The following CCDC181 variants were observed in gnomAD, a reference collection of about 807,000 sequenced individuals.
CCDC181 encodes the protein coiled-coil domain-containing protein 181.
A neutral mutation model predicts 58.7 loss-of-function variants in CCDC181; 35 were observed. The ratio of observed to expected loss-of-function variants is 0.60; its 90% CI spans 0.46 to 0.79. CCDC181 has a LOEUF of 0.79. CCDC181 is among the 30% of genes least tolerant of loss of function. The pLI, the probability that CCDC181 is intolerant of heterozygous loss-of-function variation, is 0.00. For missense variants in CCDC181, 517 were observed against 583.9 expected (o/e 0.89, Z 1.18); for synonymous variants, 183 against 197.5 (o/e 0.93, Z 0.62).
intron 3 of CCDC181, among the ~76,000 whole-genome samples, chr1:169,420,531 G>T (rs1656409867): frequency 6.6e-6 from 1 of 151,268 alleles, no homozygotes; most frequent in African/African-American, 2.4e-5. Flanking sequence ...ATTCCAGTTT[G>T]CTACTAACAA....
At chr1:169,425,436 C>CTAAA (rs1656673751) in intron 1 of CCDC181, among the ~76,000 whole-genome samples, 2 of 151,978 alleles carry the variant, frequency 1.3e-5, no homozygotes, top group Non-Finnish European at 2.9e-5. Flanking sequence ...ATAATTCTTT[C>CTAAA]TAGATACTTA....
At chr1:169,398,012 A>G (rs1479564338) in intron 4 of CCDC181, among the ~76,000 whole-genome samples, 1 of 152,160 alleles carries the variant, frequency 6.6e-6, no homozygotes, top group Admixed American at 6.5e-5. Context: ...TGTAACCCAC[A>G]TTGCCAAATA....
At chr1:169,457,209 T>A (rs1341684190) in intron 2 of CCDC181, among the ~76,000 whole-genome samples, 2 of 152,212 alleles carry the variant, frequency 1.3e-5, no homozygotes, top group Non-Finnish European at 2.9e-5. Context: ...TTAACTATTA[T>A]GTGTCTAGTA....
At chr1:169,412,488 T>C (rs760105029) in intron 4 of CCDC181, among the ~76,000 whole-genome samples, 14 of 152,204 alleles carry the variant, frequency 9.2e-5, no homozygotes, top group Admixed American at 5.2e-4. Context: ...CCCATCAAGC[T>C]ACCATTGACG....
chr1:169,416,973 T>C (rs190913918), intron 4 of CCDC181, among the ~76,000 whole-genome samples: 1 of 151,812 alleles, frequency 6.6e-6, no homozygotes, highest in Admixed American at 6.6e-5. Context: ...AAAACCAAAC[T>C]AAAAAAGGAA....
intron 4 of CCDC181, among the ~76,000 whole-genome samples, chr1:169,402,995 A>T (rs1326813136): frequency 1.4e-5 from 2 of 145,836 alleles, no homozygotes; most frequent in African/African-American, 5.1e-5. Flanking sequence ...AAAAAAAAAA[A>T]AGCAGGGGTT....
intron 3 of CCDC181, 141 bp downstream of exon 3, chr1:169,421,222 C>T (rs757837541): frequency 1.5e-6 from 1 of 667,386 alleles, no homozygotes; most frequent in Non-Finnish European, 2.5e-6. Flanking sequence ...ACATTCTTAA[C>T]ACTTAATCAA....
chr1:169,416,630 T>C (rs1656227182), intron 4 of CCDC181, among the ~76,000 whole-genome samples: 1 of 152,200 alleles, frequency 6.6e-6, no homozygotes, highest in East Asian at 1.9e-4. Flanking sequence ...TGCTATATCT[T>C]TCAAGATAAT....
At chr1:169,416,030 C>T (rs778557407) in intron 4 of CCDC181, among the ~76,000 whole-genome samples, 2 of 152,186 alleles carry the variant, frequency 1.3e-5, no homozygotes, top group East Asian at 3.8e-4. Context: ...ACCCCTCCCA[C>T]GAGGAGTTTT....
At chr1:169,402,067 T>C (rs886500548) in intron 4 of CCDC181, among the ~76,000 whole-genome samples, 8 of 151,916 alleles carry the variant, frequency 5.3e-5, no homozygotes, top group Non-Finnish European at 1.0e-4. Context: ...TGATTGAAGA[T>C]CAAATGAATG....
chr1:169,399,755 A>G (rs1655235059), intron 4 of CCDC181, among the ~76,000 whole-genome samples: 1 of 152,200 alleles, frequency 6.6e-6, no homozygotes, highest in African/African-American at 2.4e-5. Flanking sequence ...AGCTAGATAA[A>G]ATGTATGCAG....
intron 4 of CCDC181, among the ~76,000 whole-genome samples, chr1:169,401,986 G>C (rs1215142029): frequency 6.6e-6 from 1 of 152,130 alleles, no homozygotes; most frequent in African/African-American, 2.4e-5. Flanking sequence ...TGAAAACCAT[G>C]GCACAAGAAC....
At chr1:169,400,361 T>A (rs1400305750) in intron 4 of CCDC181, among the ~76,000 whole-genome samples, 2 of 152,018 alleles carry the variant, frequency 1.3e-5, no homozygotes, top group East Asian at 1.9e-4. Context: ...AAGAAAAAAA[T>A]TCAATACCCT....
At chr1:169,419,236 T>C in intron 3 of CCDC181, 77 bp from the exon 4 acceptor site, 1 of 1,409,738 alleles carries the variant, frequency 7.1e-7, no homozygotes, top group Non-Finnish European at 9.3e-7. Context: ...GAGATATATT[T>C]TGAGATCTGA....
chr1:169,441,686 G>A (rs1482350635), intron 2 of CCDC181, among the ~76,000 whole-genome samples: 2 of 151,842 alleles, frequency 1.3e-5, no homozygotes, highest in Non-Finnish European at 2.9e-5. Flanking sequence ...TCTTATTCAA[G>A]GACTTTTCCT....
In CCDC181 at chr1:169,422,240, C is replaced by T. The variant is rs768629944; in HGVS notation, c.191G>A (p.Arg64Gln). The T allele has an allele frequency of 1.7e-5, 27 of 1,612,482 alleles. No individual in the cohort carries two copies. The highest frequency in any genetic ancestry group is 3.3e-4 in the Middle Eastern group (2 of 6,058). Residue 64 changes from arginine (R) to glutamine (Q), a missense_variant, in exon 3 of 6, where the codon CGG becomes CAG. By Grantham distance (43) the Arg-to-Gln change is conservative. Transcript: ENST00000367806. Reference sequence around the variant, plus strand: ...CAAAGATTTGTCAGGATCAGAATGCCGTTTGGTGTGCTCCATTACTGTCTC... The same window carrying T: ...CAAAGATTTGTCAGGATCAGAATGCTGTTTGGTGTGCTCCATTACTGTCTC... ...ENETVMEHTK[R>Q]HSDPDKSLQD...
exon 1 of CCDC181, chr1:169,460,304 G>C (rs987654855): frequency 1.3e-5 from 2 of 152,330 alleles, no homozygotes; most frequent in East Asian, 3.9e-4. Flanking sequence ...TTTGGAGGAG[G>C]AGTTTCAGAA....
chr1:169,446,591 A>C (rs757842539), intron 2 of CCDC181, among the ~76,000 whole-genome samples: 10 of 152,256 alleles, frequency 6.6e-5, no homozygotes, highest in Non-Finnish European at 1.0e-4. Context: ...AGATTCAGCC[A>C]AATGCAGGTC....
chr1:169,432,807 AAAAC>A (rs1471274867), intron 2 of CCDC181, among the ~76,000 whole-genome samples: 7 of 152,156 alleles, frequency 4.6e-5, no homozygotes, highest in African/African-American at 1.4e-4. Context: ...TTCATGATAA[AAAAC>A]AAACAGACTA....
Sources: allele counts gnomAD v4.1 joint callset (sites outside exome capture counted in the v4.1 genomes callset), GRCh38; gene constraint gnomAD v4.1.1; transcripts MANE v1.5; gene names NCBI Gene and HGNC (gene_info 2026-07-23, HGNC 2026-07-21).